The following RECQL5 variants were observed in gnomAD, a reference collection of about 807,000 sequenced individuals.
RECQL5 encodes ATP-dependent DNA helicase Q5.
Under a neutral mutation model 103.4 loss-of-function variants are expected in RECQL5, and 88 were observed. The observed-to-expected ratio is 0.85, with a 90% CI of 0.72 to 1.02. The LOEUF (loss-of-function observed/expected upper bound fraction) is 1.02. Ranked by LOEUF, RECQL5 falls within the 50% of genes least tolerant of loss-of-function variation. The pLI is 0.00. For synonymous variants in RECQL5, 552 were observed against 507.9 expected (o/e 1.09, Z -1.17); for missense variants, 1,232 against 1,284.3 (o/e 0.96, Z 0.62).
Position 75,630,844 on chromosome 17 carries a change from G to A in RECQL5, c.1586-7C>T. 5.3e-6 allele frequency: 6 copies of A among 1,139,886 alleles called. No individual in the cohort carries two copies. The highest frequency in any genetic ancestry group is 1.8e-5 in the South Asian group (1 of 56,804). The allele number at this position is 1,139,886 out of a possible 1,614,324, so 70.6% of individuals were successfully genotyped here. ...TTCAGGGGACAGTTCTCATCTGTGG[G>A]GGGGGGGGGTGGTCCTTGGTCCTTT... On this transcript the variant is annotated splice_polypyrimidine_tract_variant and splice_region_variant and intron_variant, in intron 11 of 19. Transcript: ENST00000317905.
chr17:75,634,268 G>C (rs2059276810), intron 8 of RECQL5: 1 of 985,072 alleles, frequency 1.0e-6, no homozygotes, highest in South Asian at 4.7e-5. Context: ...CCTGCCCCCA[G>C]GGTGAAGGGC....
At chr17:75,647,053 TGAGA>T (rs1381078281) in intron 8 of RECQL5, among the ~76,000 whole-genome samples, 2 of 152,186 alleles carry the variant, frequency 1.3e-5, no homozygotes, top group African/African-American at 4.8e-5. Flanking sequence ...GTCTCAGGGA[TGAGA>T]GAGAGTCCTT....
chr17:75,663,348 C>T (rs1047737078), intron 3 of RECQL5, among the ~76,000 whole-genome samples: 1 of 151,636 alleles, frequency 6.6e-6, no homozygotes, highest in Non-Finnish European at 1.5e-5. Context: ...TTTGACATGA[C>T]GTTGTGCACA....
chr17:75,650,674 C>T (rs371065003), intron 8 of RECQL5: 1 of 1,614,110 alleles, frequency 6.2e-7, no homozygotes, highest in Non-Finnish European at 8.5e-7. Context: ...AACCTGACTA[C>T]ACCAAGCAGC....
In RECQL5 at chr17:75,650,914, C is replaced by T; in HGVS notation, c.1229+272G>A. 4 of 1,442,498 alleles carry T rather than the reference C, an allele frequency of 2.8e-6. No individual in the cohort carries two copies. The South Asian group carries it at 5.8e-5, about 21-fold the overall frequency. The allele number at this position is 1,442,498 out of a possible 1,614,324, so 89.4% of individuals were successfully genotyped here. A position where few individuals can be genotyped will look rare whatever the true frequency, so the allele number is the denominator to read the frequency against. On this transcript the variant is annotated intron_variant, in intron 8 of 19. Transcript: ENST00000317905. Reference sequence around the variant, plus strand: ...GGTCACATCCCTTGGAACTGAGTGGCTTGTGGGGCCAGCCATCCCAGAAGA... The same window carrying T: ...GGTCACATCCCTTGGAACTGAGTGGTTTGTGGGGCCAGCCATCCCAGAAGA...
chr17:75,666,093 T>C (rs1478456586), intron 2 of RECQL5, among the ~76,000 whole-genome samples: 1 of 152,154 alleles, frequency 6.6e-6, no homozygotes, highest in African/African-American at 2.4e-5. Flanking sequence ...TAAATCTAGC[T>C]ATGAAATATA....
chr17:75,644,592 AT>A (rs1408363900), intron 8 of RECQL5, among the ~76,000 whole-genome samples: 16 of 152,312 alleles, frequency 1.1e-4, no homozygotes, highest in African/African-American at 3.6e-4. Flanking sequence ...CTCAAAAAAA[AT>A]AAAATAAAAA....
At chr17:75,655,988 C>A (rs2059614635) in intron 7 of RECQL5, among the ~76,000 whole-genome samples, 1 of 150,968 alleles carries the variant, frequency 6.6e-6, no homozygotes, top group African/African-American at 2.4e-5. Context: ...GGCCCCAGAG[C>A]TTGTTTTCTC....
At position 75,630,968 on chromosome 17, in the gene RECQL5, A is replaced by G. The variant is rs768107200; in HGVS notation, c.1585+6T>C. 2.5e-6 allele frequency: 4 copies of G among 1,613,432 alleles called. No homozygotes were observed. The highest frequency in any genetic ancestry group is 3.4e-6 in the Non-Finnish European group (4 of 1,179,830). ...CACAAGCCTCCAGGAACATTTCTGT[A>G]CTGACCTGGGGGTACAAATTCTTCT... On this transcript the variant is annotated splice_donor_region_variant and intron_variant, in intron 11 of 19. Coordinates refer to ENST00000317905, the MANE Select transcript of RECQL5 (RefSeq NM_004259.7).
At chr17:75,627,754 T>G in intron 18 of RECQL5, 62 bp from the exon 19 acceptor site, 15 of 1,457,816 alleles carry the variant, frequency 1.0e-5, no homozygotes, top group Non-Finnish European at 1.4e-5. Flanking sequence ...GCGCAGTGGC[T>G]CACGCCTGTA....
rs750876695 is a variant in RECQL5, at chr17:75,627,464, C to G, written c.2934G>C (p.Glu978Asp). The change falls in exon 20 of 20, where the codon GAG becomes GAC. Residue 978 changes from glutamate (E) to aspartate (D), a missense_variant. Coordinates refer to ENST00000317905, the MANE Select transcript of RECQL5 (RefSeq NM_004259.7). Reference protein sequence around the residue: ...RHFFHGRARCESEADWHGLCG... With the variant: ...RHFFHGRARCDSEADWHGLCG... ...ACAGGCCATGCCAGTCAGCTTCGCT[C>G]TCGCACCGGGCCCGGCCATGGAAGA... 4 of 1,613,768 alleles carry G rather than the reference C, an allele frequency of 2.5e-6. No homozygotes were observed. In the Admixed American group the frequency reaches 6.7e-5, roughly 27 times the overall value.
intron 8 of RECQL5, among the ~76,000 whole-genome samples, chr17:75,635,284 C>T (rs545895545): frequency 2.0e-5 from 3 of 152,168 alleles, no homozygotes; most frequent in East Asian, 1.9e-4. Flanking sequence ...AGGTCGGGGT[C>T]GGGGCACAGC....
chr17:75,634,422 G>A (rs1166253733), intron 8 of RECQL5, among the ~76,000 whole-genome samples: 3 of 152,228 alleles, frequency 2.0e-5, no homozygotes, highest in Admixed American at 2.0e-4. Flanking sequence ...GCTCTGCTCA[G>A]AGCGCCTCCT....
In RECQL5 at chr17:75,651,799, G is replaced by A. The variant is rs547863675; in HGVS notation, c.1150-534C>T. Among the ~76,000 whole-genome samples, 4 of 152,168 alleles carry A rather than the reference G, an allele frequency of 2.6e-5. No homozygotes were observed. The East Asian group carries it at 5.8e-4, about 22-fold the overall frequency. On this transcript the variant is annotated intron_variant, in intron 7 of 19. Coordinates refer to ENST00000317905, the MANE Select transcript of RECQL5 (RefSeq NM_004259.7). ...GCCCACAGACTGGCATTTAGGAAGC[G>A]CTATATAATATCACCTATTTTAATA...
At chr17:75,657,303 C>G (rs2059636440) in intron 7 of RECQL5, among the ~76,000 whole-genome samples, 1 of 151,900 alleles carries the variant, frequency 6.6e-6, no homozygotes, top group Non-Finnish European at 1.5e-5. Context: ...GAGGATCACT[C>G]GAGCCCAGGA....
At chr17:75,659,061 T>C (rs2059665058) in intron 6 of RECQL5, among the ~76,000 whole-genome samples, 1 of 152,086 alleles carries the variant, frequency 6.6e-6, no homozygotes, top group African/African-American at 2.4e-5. Context: ...TTTTGCTTGT[T>C]TTTTATTTTA....
chr17:75,648,668 G>A (rs892071245), intron 8 of RECQL5, among the ~76,000 whole-genome samples: 5 of 112,696 alleles, frequency 4.4e-5, no homozygotes, highest in Admixed American at 2.5e-4. Flanking sequence ...CACGGCGCCC[G>A]GCCTTTTTTT....
intron 6 of RECQL5, among the ~76,000 whole-genome samples, chr17:75,658,821 GAAT>G (rs2059661571): frequency 6.6e-6 from 1 of 152,092 alleles, no homozygotes; most frequent in Non-Finnish European, 1.5e-5. Context: ...AGAGGGAAAG[GAAT>G]AATATTTATT....
At chr17:75,665,015 T>C (rs1290417177) in intron 3 of RECQL5, 36 bp downstream of exon 3, 10 of 1,509,694 alleles carry the variant, frequency 6.6e-6, no homozygotes, top group Non-Finnish European at 8.8e-6. Flanking sequence ...TCCCCGAATC[T>C]TTTTGGGCTA....
Sources: allele counts gnomAD v4.1 joint callset (sites outside exome capture counted in the v4.1 genomes callset), GRCh38; gene constraint gnomAD v4.1.1; transcripts MANE v1.5; gene names NCBI Gene and HGNC (gene_info 2026-07-23, HGNC 2026-07-21).